PDE1C: variants seen among roughly 807,000 people sequenced by gnomAD.
PDE1C encodes phosphodiesterase 1C.
A neutral mutation model predicts 93.1 loss-of-function variants in PDE1C; 62 were observed. That is an observed-to-expected ratio of 0.67 (90% CI 0.54 to 0.82). The LOEUF is 0.82. PDE1C is among the 40% of genes least tolerant of loss of function. The pLI is 0.00. For synonymous variants in PDE1C, 325 were observed against 310.1 expected (o/e 1.05, Z -0.50); for missense variants, 742 against 884.6 (o/e 0.84, Z 2.04).
intron 2 of PDE1C, among the ~76,000 whole-genome samples, chr7:31,944,796 G>A (rs943575146): frequency 6.6e-6 from 1 of 152,036 alleles, no homozygotes; most frequent in African/African-American, 2.4e-5. Context: ...ATACCACAAT[G>A]TATCCATGAT....
intron 1 of PDE1C, among the ~76,000 whole-genome samples, chr7:32,250,382 A>T (rs1349092339): frequency 6.6e-6 from 1 of 152,202 alleles, no homozygotes; most frequent in African/African-American, 2.4e-5. Flanking sequence ...TTCTCAAATT[A>T]GGTGCGCATC....
intron 1 of PDE1C, among the ~76,000 whole-genome samples, chr7:32,292,038 A>G (rs562773970): frequency 6.6e-4 from 101 of 152,230 alleles, no homozygotes; most frequent in African/African-American, 2.3e-3. Flanking sequence ...TGTTCAGCAA[A>G]TATTTATTAA....
rs114002333 is a variant in PDE1C, at chr7:32,155,024, G to C, written c.308+14761C>G. 8.5e-3 allele frequency among the ~76,000 whole-genome samples: 1,289 copies of C among 152,350 alleles called. 18 individuals are homozygous for C. The highest frequency in any genetic ancestry group is 0.029 in the African/African-American group (1,206 of 41,588). On this transcript the variant is annotated intron_variant, in intron 3 of 18. Transcript: ENST00000396193. ...CAGTGAGAGTCCACACCAGGCATGA[G>C]GAAATGGCAGGAAATGAGCAGGCTG...
At chr7:31,826,876 A>G (rs1789741101) in intron 12 of PDE1C, among the ~76,000 whole-genome samples, 1 of 152,208 alleles carries the variant, frequency 6.6e-6, no homozygotes, top group Non-Finnish European at 1.5e-5. Flanking sequence ...TTTGCAGGCC[A>G]TATCATCGCT....
At chr7:31,737,997 C>A in the PDE1C span, among the ~76,000 whole-genome samples, 2 of 152,138 alleles carry the variant, frequency 1.3e-5, no homozygotes, top group East Asian at 3.9e-4. Context: ...TGTCTCCTTC[C>A]CCTTTGGGCT....
intron 2 of PDE1C, among the ~76,000 whole-genome samples, chr7:32,016,286 C>T (rs956383387): frequency 3.3e-5 from 5 of 152,176 alleles, no homozygotes; most frequent in African/African-American, 1.2e-4. Context: ...GGAAAGAATT[C>T]AAAGGCTCAC....
chr7:31,990,722 G>A (rs1784049600), intron 2 of PDE1C, among the ~76,000 whole-genome samples: 1 of 152,172 alleles, frequency 6.6e-6, no homozygotes, highest in African/African-American at 2.4e-5. Context: ...TCTATGTAAA[G>A]AGAAATTATC....
chr7:32,082,989 C>T (rs1291718909), intron 3 of PDE1C, among the ~76,000 whole-genome samples: 2 of 150,998 alleles, frequency 1.3e-5, no homozygotes, highest in Non-Finnish European at 2.9e-5. Flanking sequence ...AGCAATGGAA[C>T]AAAGCTGGAC....
At chr7:31,930,566 C>T (rs540789799) in intron 2 of PDE1C, among the ~76,000 whole-genome samples, 2 of 152,190 alleles carry the variant, frequency 1.3e-5, no homozygotes, top group Admixed American at 6.5e-5. Context: ...CCAGGCCAGG[C>T]GTGGTGGCTC....
intron 1 of PDE1C, among the ~76,000 whole-genome samples, chr7:32,295,279 C>T (rs938689082): frequency 2.0e-5 from 3 of 152,160 alleles, no homozygotes; most frequent in African/African-American, 7.2e-5. Flanking sequence ...GAGGCTCCAG[C>T]AGAAGTAAAG....
intron 11 of PDE1C, among the ~76,000 whole-genome samples, chr7:31,832,972 G>A (rs1408504172): frequency 1.3e-5 from 2 of 152,112 alleles, no homozygotes; most frequent in Non-Finnish European, 2.9e-5. Context: ...GGTTTGTTAT[G>A]GTTTGGCTGT....
chr7:32,412,732 A>G (rs756766309), intron 1 of PDE1C, among the ~76,000 whole-genome samples: 2 of 152,198 alleles, frequency 1.3e-5, no homozygotes, highest in Non-Finnish European at 2.9e-5. Flanking sequence ...ACATAACTAT[A>G]CAGTCATACA....
chr7:31,917,721 G>C (rs1418572293), intron 2 of PDE1C, among the ~76,000 whole-genome samples: 1 of 152,090 alleles, frequency 6.6e-6, no homozygotes, highest in Non-Finnish European at 1.5e-5. Flanking sequence ...CCAGCTATTG[G>C]TCCATGCTTC....
intron 1 of PDE1C, among the ~76,000 whole-genome samples, chr7:32,053,409 C>T (rs1009878198): frequency 6.6e-6 from 1 of 152,222 alleles, no homozygotes; most frequent in East Asian, 1.9e-4. Flanking sequence ...AGGGCAGAGG[C>T]TTCACCTTCA....
At chr7:31,891,856 T>C (rs980006031) in intron 2 of PDE1C, among the ~76,000 whole-genome samples, 1 of 151,074 alleles carries the variant, frequency 6.6e-6, no homozygotes, top group Non-Finnish European at 1.5e-5. Context: ...ACAATAAAAC[T>C]GGAGGGCTCT....
At chr7:31,645,828 G>A in the PDE1C span, among the ~76,000 whole-genome samples, 6 of 152,076 alleles carry the variant, frequency 3.9e-5, no homozygotes, top group Non-Finnish European at 8.8e-5. Flanking sequence ...AAAATACAGA[G>A]AACAGCCACC....
intron 6 of PDE1C, among the ~76,000 whole-genome samples, chr7:31,868,985 C>G (rs1356413036): frequency 6.6e-6 from 1 of 151,814 alleles, no homozygotes; most frequent in Non-Finnish European, 1.5e-5. Context: ...CTTTCCCACA[C>G]AAGCAAATGC....
intron 1 of PDE1C, among the ~76,000 whole-genome samples, chr7:32,258,713 C>A (rs1809984944): frequency 6.6e-6 from 1 of 152,234 alleles, no homozygotes; most frequent in Non-Finnish European, 1.5e-5. Flanking sequence ...CAGCAGGCAA[C>A]AGCAGCCAAC....
At chr7:31,923,782 T>C (rs1802966325) in intron 2 of PDE1C, among the ~76,000 whole-genome samples, 1 of 152,146 alleles carries the variant, frequency 6.6e-6, no homozygotes, top group Admixed American at 6.5e-5. Context: ...GAGACCACCC[T>C]GGGCAACAAA....
Sources: allele counts gnomAD v4.1 joint callset (sites outside exome capture counted in the v4.1 genomes callset), GRCh38; gene constraint gnomAD v4.1.1; transcripts MANE v1.5; gene names NCBI Gene and HGNC (gene_info 2026-07-23, HGNC 2026-07-21).